The following RASAL2 variants were observed in gnomAD, a reference collection of about 807,000 sequenced individuals.
RASAL2 encodes ras GTPase-activating protein nGAP.
In RASAL2, 58 loss-of-function variants were observed where a neutral mutation model predicts 128.9. The observed-to-expected ratio is 0.45, with a 90% CI of 0.36 to 0.56. The LOEUF (loss-of-function observed/expected upper bound fraction) is 0.56, where lower values mean the gene tolerates loss of function less well. Among genes scored for constraint, RASAL2 ranks in the 20% least tolerant of loss-of-function variants. RASAL2 has a pLI of 0.00. For synonymous variants in RASAL2, 561 were observed against 580.8 expected (o/e 0.97, Z 0.49); for missense variants, 1,360 against 1,601.6 (o/e 0.85, Z 2.57).
intron 1 of RASAL2, among the ~76,000 whole-genome samples, chr1:178,259,737 T>A (rs1665570057): frequency 6.6e-6 from 1 of 151,962 alleles, no homozygotes; most frequent in Non-Finnish European, 1.5e-5. Flanking sequence ...AATATTTTAA[T>A]TTTTTTTGTT....
At chr1:178,157,869 C>T (rs1661135566) in intron 1 of RASAL2, among the ~76,000 whole-genome samples, 1 of 152,098 alleles carries the variant, frequency 6.6e-6, no homozygotes, top group African/African-American at 2.4e-5. Flanking sequence ...AAAGGAGTTA[C>T]CATAAAAATA....
chr1:178,261,040 G>A (rs1665669543), intron 1 of RASAL2, among the ~76,000 whole-genome samples: 1 of 152,120 alleles, frequency 6.6e-6, no homozygotes, highest in African/African-American at 2.4e-5. Flanking sequence ...CAGAAGGTGT[G>A]GAGGTCATTC....
At chr1:178,429,332 T>C (rs1299713671) in intron 5 of RASAL2, among the ~76,000 whole-genome samples, 2 of 152,120 alleles carry the variant, frequency 1.3e-5, no homozygotes, top group Non-Finnish European at 2.9e-5. Context: ...ATTTCCCAGA[T>C]GGAATCAAAC....
intron 3 of RASAL2, among the ~76,000 whole-genome samples, chr1:178,306,247 A>G (rs1463174865): frequency 6.6e-6 from 1 of 152,130 alleles, no homozygotes; most frequent in Admixed American, 6.5e-5. Flanking sequence ...TTATGGCTGC[A>G]TAGTATTCCA....
chr1:178,190,070 G>A (rs1438904161), intron 1 of RASAL2, among the ~76,000 whole-genome samples: 1 of 143,186 alleles, frequency 7.0e-6, no homozygotes, highest in Admixed American at 6.7e-5. Flanking sequence ...GAGTTCACAG[G>A]ACAGCTTTCC....
intron 1 of RASAL2, among the ~76,000 whole-genome samples, chr1:178,263,416 A>G (rs767596900): frequency 1.3e-5 from 2 of 152,200 alleles, no homozygotes; most frequent in African/African-American, 4.8e-5. Context: ...TAAGAAGTTA[A>G]GTATCTTGAC....
chr1:178,140,259 C>T (rs544106076), intron 1 of RASAL2, among the ~76,000 whole-genome samples: 1 of 152,218 alleles, frequency 6.6e-6, no homozygotes, highest in African/African-American at 2.4e-5. Flanking sequence ...TCCCAAGTGC[C>T]ACTCTCCCCC....
rs964221411 is a variant in RASAL2, at chr1:178,300,006, G to C, written c.345G>C (p.Gly115=). 5.6e-6 allele frequency: 9 copies of C among 1,613,654 alleles called. No individual in the cohort carries two copies. The highest frequency in any genetic ancestry group is 7.6e-6 in the Non-Finnish European group (9 of 1,179,896). Residue 115 remains glycine (G), a synonymous_variant, in exon 3 of 18, where the codon GGG becomes GGC. Transcript: ENST00000367649. ...TGATTAACTAGATACCTGTGGAAGGGGGACAGGAGCAGCAGACAGATTCCA... is the reference window on the plus strand; with the variant it reads ...TGATTAACTAGATACCTGTGGAAGGCGGACAGGAGCAGCAGACAGATTCCA... ...LNKEKEIPVE[G]GQEQQTDSTK...
At chr1:178,169,781 A>G (rs1382697394) in intron 1 of RASAL2, among the ~76,000 whole-genome samples, 2 of 151,992 alleles carry the variant, frequency 1.3e-5, no homozygotes, top group Non-Finnish European at 1.5e-5. Flanking sequence ...TAATTATGTG[A>G]CAGTACAGTT....
At chr1:178,392,955 A>G (rs1672999001) in intron 4 of RASAL2, among the ~76,000 whole-genome samples, 1 of 152,238 alleles carries the variant, frequency 6.6e-6, no homozygotes, top group Admixed American at 6.5e-5. Flanking sequence ...CAACTGGTAC[A>G]GCAGGGTATT....
intron 6 of RASAL2, among the ~76,000 whole-genome samples, chr1:178,440,191 T>C (rs1472989886): frequency 1.3e-5 from 2 of 152,194 alleles, no homozygotes; most frequent in East Asian, 3.9e-4. Context: ...ATTCAAAAAC[T>C]ATATATACAT....
intron 1 of RASAL2, among the ~76,000 whole-genome samples, chr1:178,110,953 T>G (rs981723298): frequency 6.6e-6 from 1 of 151,972 alleles, no homozygotes; most frequent in African/African-American, 2.4e-5. Flanking sequence ...TGTTTTTTTC[T>G]TTTTACGGAA....
At chr1:178,137,353 A>T (rs1660364803) in intron 1 of RASAL2, among the ~76,000 whole-genome samples, 1 of 152,146 alleles carries the variant, frequency 6.6e-6, no homozygotes, top group Non-Finnish European at 1.5e-5. Context: ...GCAGAATTGA[A>T]GTTATATTTT....
chr1:178,309,797 G>GA (rs1668151360), intron 3 of RASAL2, among the ~76,000 whole-genome samples: 2 of 152,070 alleles, frequency 1.3e-5, no homozygotes, highest in African/African-American at 4.8e-5. Context: ...ACTTTACCTT[G>GA]AAAAAATCCT....
rs533420926 is a variant in RASAL2 at position 178,156,306 on chromosome 1, A to G, written c.202+61612A>G. On this transcript the variant is annotated intron_variant, in intron 1 of 17. Coordinates refer to ENST00000367649, the MANE Select transcript of RASAL2 (RefSeq NM_170692.4). The stretch of plus-strand genomic sequence containing the variant: ...AATTCTCTCTCATTTATTAAACTTT[A>G]TATGTTATAAAAATTATCTCTAAGT... 3.1e-3 allele frequency among the ~76,000 whole-genome samples: 478 copies of G among 152,308 alleles called. 1 individual carries two copies. The highest frequency in any genetic ancestry group is 0.014 in the Middle Eastern group (4 of 294).
intron 1 of RASAL2, among the ~76,000 whole-genome samples, chr1:178,212,081 A>T (rs1663273810): frequency 6.6e-6 from 1 of 152,218 alleles, no homozygotes; most frequent in African/African-American, 2.4e-5. Flanking sequence ...ATAGTTTATG[A>T]GGTCCCTTCT....
chr1:178,362,523 C>G (rs1211527428), intron 3 of RASAL2, among the ~76,000 whole-genome samples: 1 of 143,910 alleles, frequency 6.9e-6, no homozygotes, highest in East Asian at 2.3e-4. Flanking sequence ...AAAATCTACT[C>G]CCTTGGAAAT....
chr1:178,380,032 G>T (rs1263778640), intron 3 of RASAL2, among the ~76,000 whole-genome samples: 1 of 152,074 alleles, frequency 6.6e-6, no homozygotes, highest in African/African-American at 2.4e-5. Context: ...AGGTGCAGTC[G>T]CACGCCGCCA....
At chr1:178,439,010 A>G (rs1194876685) in intron 5 of RASAL2, among the ~76,000 whole-genome samples, 3 of 151,698 alleles carry the variant, frequency 2.0e-5, no homozygotes, top group Non-Finnish European at 4.4e-5. Context: ...TAAAGCTATA[A>G]CATGAAAAAC....
Sources: gnomAD v4.1 joint callset for allele counts (sites outside exome capture counted in the v4.1 genomes callset) on GRCh38, gnomAD v4.1.1 for gene constraint, MANE v1.5 for transcripts, NCBI Gene and HGNC (gene_info 2026-07-23, HGNC 2026-07-21) for gene names.